ABCA13: variants seen among roughly 807,000 people sequenced by gnomAD.
ABCA13 encodes the protein ATP binding cassette subfamily A member 13.
In ABCA13, 476 loss-of-function variants were observed where a neutral mutation model predicts 478.7. The ratio of observed to expected loss-of-function variants is 0.99; its 90% CI spans 0.92 to 1.07. The LOEUF is 1.07. ABCA13 is among the 50% of genes least tolerant of loss of function. ABCA13 has a pLI of 0.00. For missense variants in ABCA13, 6,060 were observed against 5,910.6 expected (o/e 1.03, Z -0.83); for synonymous variants, 2,252 against 2,158.9 (o/e 1.04, Z -1.20).
At chr7:48,506,428 C>A in intron 49 of ABCA13, 38 bp downstream of exon 49, 1 of 1,603,370 alleles carries the variant, frequency 6.2e-7, no homozygotes, top group South Asian at 1.1e-5. Flanking sequence ...GTGACCCTGA[C>A]TATGGAAGAA....
In ABCA13 at chr7:48,410,583, C is replaced by T. The variant is rs752909768; in HGVS notation, c.12134C>T (p.Ala4045Val). 33 of 1,613,918 alleles carry T rather than the reference C, an allele frequency of 2.0e-5. No homozygotes were observed. Among genetic ancestry groups the T allele is most frequent in the Non-Finnish European group, 2.7e-5 (32 of 1,179,902 alleles). ...DEAEALSDRV[A>V]VLQHGRLRCC... The stretch of plus-strand genomic sequence containing the variant: ...GCTGAAGCGCTGAGTGACCGCGTGG[C>T]CGTCCTCCAGCATGGGAGGCTCAGG... Residue 4045 changes from alanine (A) to valine (V), a missense_variant, in exon 40 of 62, where the codon GCC (alanine) becomes GTC (valine). Around this residue, in one of 3 missense-constraint regions of ABCA13, gnomAD observed 1,627 missense variants for 1,571.0 expected, o/e 1.04. Transcript: ENST00000435803.
chr7:48,515,526 T>C lies in ABCA13; in HGVS notation c.13641-1199T>C, dbSNP rs906991829. Among the ~76,000 whole-genome samples the C allele has an allele frequency of 2.6e-5, 4 of 152,284 alleles. No homozygotes were observed. The South Asian group carries it at 8.3e-4, about 32-fold the overall frequency. On this transcript the variant is annotated intron_variant, in intron 51 of 61. Transcript: ENST00000435803. ...TGTGGGGACTGCTTCTAGGGTTCAA[T>C]GTTTAGCAATGCTTCTTACTCCCCA... is the stretch of plus-strand genomic sequence containing the variant.
intron 57 of ABCA13, among the ~76,000 whole-genome samples, chr7:48,590,450 G>A (rs1269848979): frequency 1.3e-5 from 2 of 152,058 alleles, no homozygotes; most frequent in Non-Finnish European, 2.9e-5. Flanking sequence ...CATGAATATA[G>A]CACTGCAAAT....
chr7:48,494,948 T>A (rs1348820760), intron 48 of ABCA13, among the ~76,000 whole-genome samples: 1 of 151,894 alleles, frequency 6.6e-6, no homozygotes, highest in Non-Finnish European at 1.5e-5. Flanking sequence ...ACAGTAAAAC[T>A]GATCAGAGGG....
At chr7:48,514,210 A>T (rs1831936473) in intron 51 of ABCA13, among the ~76,000 whole-genome samples, 1 of 152,186 alleles carries the variant, frequency 6.6e-6, no homozygotes, top group Admixed American at 6.5e-5. Flanking sequence ...AAAGCAGATG[A>T]TAATCTTGCT....
chr7:48,501,733 A>G (rs2130817800), intron 48 of ABCA13, among the ~76,000 whole-genome samples: 1 of 152,306 alleles, frequency 6.6e-6, no homozygotes, highest in African/African-American at 2.4e-5. Flanking sequence ...CCTGAAGTTC[A>G]TTACGTGAAA....
chr7:48,283,031 C>T (rs899068352), intron 19 of ABCA13, among the ~76,000 whole-genome samples: 3 of 152,112 alleles, frequency 2.0e-5, no homozygotes, highest in African/African-American at 7.2e-5. Flanking sequence ...TGCTCAGCAG[C>T]GAGAAGTAGT....
chr7:48,278,164 A>G lies in ABCA13; in HGVS notation c.6970A>G (p.Arg2324Gly), dbSNP rs148038981. 2 of 1,549,306 alleles carry G rather than the reference A, an allele frequency of 1.3e-6. No homozygotes were observed. Among genetic ancestry groups the G allele is most frequent in the African/African-American group, 1.4e-5 (1 of 72,564 alleles). Residue 2324 changes from arginine (R) to glycine (G), a missense_variant, in exon 18 of 62, where the codon AGA becomes GGA. Coordinates refer to ENST00000435803, the MANE Select transcript of ABCA13 (RefSeq NM_152701.5). ...ATTTCTTACCCTGATGATACAAGACAGATTGATGAACATTTTTTCAAGTTT... is the reference window on the plus strand; with the variant it reads ...ATTTCTTACCCTGATGATACAAGACGGATTGATGAACATTTTTTCAAGTTT... ...DQFLTLMIQD[R>G]LMNIFSSLKE...
At chr7:48,488,288 A>G (rs1243818021) in intron 47 of ABCA13, among the ~76,000 whole-genome samples, 3 of 147,844 alleles carry the variant, frequency 2.0e-5, no homozygotes, top group African/African-American at 7.5e-5. Flanking sequence ...ATATTTTATT[A>G]CTTAGCTGTT....
At chr7:48,452,860 CA>C (rs1825209014) in intron 42 of ABCA13, among the ~76,000 whole-genome samples, 1 of 152,068 alleles carries the variant, frequency 6.6e-6, no homozygotes, top group South Asian at 2.1e-4. Context: ...GATGGGCACC[CA>C]AAAACATCCC....
At position 48,272,356 on chromosome 7, in the gene ABCA13, C is replaced by T. The variant is rs1244577090; in HGVS notation, c.2690C>T (p.Ala897Val). ...ATAGATTTTGTACGTTTAAGTGAGG[C>T]TATAATAACTAGTCTCCATGAATTT... ...MNIDFVRLSE[A>V]IITSLHEFGF... is the part of the protein sequence containing the mutation. The change falls in exon 17 of 62, where the codon GCT becomes GTT. Residue 897 changes from alanine (A) to valine (V), a missense_variant. Ala to Val is a moderately conservative substitution (Grantham distance 64). Transcript: ENST00000435803. The T allele has an allele frequency of 3.7e-6, 6 of 1,613,722 alleles. No individual in the cohort carries two copies. Among genetic ancestry groups the T allele is most frequent in the Non-Finnish European group, 5.1e-6 (6 of 1,179,744 alleles).
intron 59 of ABCA13, among the ~76,000 whole-genome samples, chr7:48,625,615 T>G (rs1793598073): frequency 6.6e-6 from 1 of 152,176 alleles, no homozygotes; most frequent in South Asian, 2.1e-4. Flanking sequence ...TCATGTTGTA[T>G]GAACACAGCA....
chr7:48,571,300 A>G (rs1473454556), intron 55 of ABCA13, among the ~76,000 whole-genome samples: 1 of 152,034 alleles, frequency 6.6e-6, no homozygotes, highest in African/African-American at 2.4e-5. Flanking sequence ...CATTATGTGG[A>G]TTCATGTTAC....
At chr7:48,549,182 T>C (rs914573955) in intron 55 of ABCA13, among the ~76,000 whole-genome samples, 12 of 151,778 alleles carry the variant, frequency 7.9e-5, no homozygotes, top group Non-Finnish European at 1.5e-5. Flanking sequence ...CTTGCATGCA[T>C]TAGGTATTTG....
At chr7:48,355,925 A>G (rs996245584) in intron 31 of ABCA13, among the ~76,000 whole-genome samples, 4 of 151,940 alleles carry the variant, frequency 2.6e-5, no homozygotes, top group Non-Finnish European at 5.9e-5. Flanking sequence ...GGATCTATTA[A>G]TTTAGGAGTC....
intron 50 of ABCA13, among the ~76,000 whole-genome samples, chr7:48,509,451 C>T (rs1377014716): frequency 1.3e-5 from 2 of 152,192 alleles, no homozygotes; most frequent in African/African-American, 2.4e-5. Flanking sequence ...CAGGGGGCCA[C>T]GTTTCTAGGA....
chr7:48,281,401 ATGC>A lies in ABCA13; in HGVS notation c.8789_8791del (p.Leu2930del). On this transcript the variant is annotated inframe_deletion, in exon 19 of 62. Coordinates refer to ENST00000435803, the MANE Select transcript of ABCA13 (RefSeq NM_152701.5). ...TGTGAAGCCCTCAGAAGCCATGGAG[ATGC>A]TGCAGAAAGTGAAGATGATGGTCGT... 1 of 1,609,676 alleles carries A rather than the reference ATGC, an allele frequency of 6.2e-7. No homozygotes were observed. The highest frequency in any genetic ancestry group is 1.1e-5 in the South Asian group (1 of 89,710).
At chr7:48,544,254 T>C (rs1784614468) in intron 55 of ABCA13, among the ~76,000 whole-genome samples, 1 of 151,668 alleles carries the variant, frequency 6.6e-6, no homozygotes. Flanking sequence ...CTGTGCAATA[T>C]ATATTTTTGT....
At chr7:48,575,059 A>T (rs969960756) in intron 55 of ABCA13, among the ~76,000 whole-genome samples, 4 of 150,328 alleles carry the variant, frequency 2.7e-5, no homozygotes, top group African/African-American at 9.8e-5. Flanking sequence ...TCCAGTAGAC[A>T]TTTTTTTTTT....
Sources: allele counts gnomAD v4.1 joint callset (sites outside exome capture counted in the v4.1 genomes callset), GRCh38; gene constraint gnomAD v4.1.1; regional missense constraint gnomAD v4.1.1; transcripts MANE v1.5; gene names NCBI Gene and HGNC (gene_info 2026-07-23, HGNC 2026-07-21).